The following ERBB4 variants were observed in gnomAD, a reference collection of about 807,000 sequenced individuals.
The protein encoded by ERBB4 is erb-b2 receptor tyrosine kinase 4.
Under a neutral mutation model 158.0 loss-of-function variants are expected in ERBB4, and 42 were observed. The observed-to-expected ratio is 0.27, with a 90% CI of 0.21 to 0.34. The LOEUF (loss-of-function observed/expected upper bound fraction) is 0.34, where lower values mean the gene tolerates loss of function less well. Ranked by LOEUF, ERBB4 falls within the 10% of genes least tolerant of loss-of-function variation. ERBB4 has a pLI of 1.00. For synonymous variants in ERBB4, 583 were observed against 558.7 expected (o/e 1.04, Z -0.61); for missense variants, 1,333 against 1,624.1 (o/e 0.82, Z 3.08).
At position 211,425,814 on chromosome 2, in the gene ERBB4, C is replaced by T. The variant is rs1254332681; in HGVS notation, c.2720-1513G>A. ...CTTTTCACCTCAGCTTCCTGAGTAG[C>T]TGGGACTACAGGCATGAGCCACCAT... On this transcript the variant is annotated intron_variant, in intron 22 of 27. Coordinates refer to ENST00000342788, the MANE Select transcript of ERBB4 (RefSeq NM_005235.3). Among the ~76,000 whole-genome samples, 3 of 151,996 alleles carry T rather than the reference C, an allele frequency of 2.0e-5. No homozygotes were observed. The East Asian group carries it at 5.8e-4, about 29-fold the overall frequency.
chr2:211,757,291 G>C (rs2106229307), intron 4 of ERBB4, among the ~76,000 whole-genome samples: 1 of 152,174 alleles, frequency 6.6e-6, no homozygotes, highest in South Asian at 2.1e-4. Flanking sequence ...CATACATCTT[G>C]ATACAAAAAG....
chr2:211,570,087 G>C (rs959432028), intron 19 of ERBB4, among the ~76,000 whole-genome samples: 3 of 151,960 alleles, frequency 2.0e-5, no homozygotes, highest in African/African-American at 7.2e-5. Flanking sequence ...TAAATCTCCT[G>C]ATTTGATCCT....
intron 20 of ERBB4, among the ~76,000 whole-genome samples, chr2:211,453,982 T>C (rs900857215): frequency 6.6e-6 from 1 of 152,190 alleles, no homozygotes; most frequent in Non-Finnish European, 1.5e-5. Flanking sequence ...CAATGTTCAA[T>C]CAACTACATA....
chr2:211,455,869 T>G lies in ERBB4; in HGVS notation c.2488-24769A>C, dbSNP rs1430708491. Among the ~76,000 whole-genome samples the G allele has an allele frequency of 2.6e-5, 4 of 152,220 alleles. No individual in the cohort carries two copies. The East Asian group carries it at 7.7e-4, about 29-fold the overall frequency. ...GTTCCAGGAGTAATAAATTGATACC[T>G]AATTTTATCAGTCCCAGGAGTAATA... On this transcript the variant is annotated intron_variant, in intron 20 of 27. Transcript: ENST00000342788.
At chr2:212,529,569 T>G (rs895079352) in intron 1 of ERBB4, among the ~76,000 whole-genome samples, 1 of 152,212 alleles carries the variant, frequency 6.6e-6, no homozygotes, top group Non-Finnish European at 1.5e-5. Context: ...CTATATGGTT[T>G]AATTACAAAT....
chr2:211,993,464 CT>C (rs1403761434), intron 2 of ERBB4, among the ~76,000 whole-genome samples: 1 of 152,072 alleles, frequency 6.6e-6, no homozygotes, highest in Non-Finnish European at 1.5e-5. Flanking sequence ...TATTTTGTTA[CT>C]GCCTAGCTAA....
chr2:212,515,237 A>G (rs6731193), intron 1 of ERBB4, among the ~76,000 whole-genome samples: 74,987 of 152,006 alleles, frequency 0.49, 20,442 homozygotes, highest in African/African-American at 0.74. Flanking sequence ...ATATCAGTTC[A>G]TCACTATTCA....
intron 20 of ERBB4, among the ~76,000 whole-genome samples, chr2:211,523,637 C>A (rs982360363): frequency 6.6e-6 from 1 of 151,838 alleles, no homozygotes; most frequent in Non-Finnish European, 1.5e-5. Flanking sequence ...GTTCGTTCCT[C>A]CCGGTGGGCT....
intron 1 of ERBB4, among the ~76,000 whole-genome samples, chr2:212,195,052 C>T (rs1207009018): frequency 6.6e-6 from 1 of 151,956 alleles, no homozygotes; most frequent in Non-Finnish European, 1.5e-5. Flanking sequence ...AAAACCACAA[C>T]ACATTAAATT....
chr2:212,453,016 G>A (rs1017806706), intron 1 of ERBB4, among the ~76,000 whole-genome samples: 3 of 152,068 alleles, frequency 2.0e-5, no homozygotes, highest in Non-Finnish European at 4.4e-5. Context: ...GATAAAACAT[G>A]TTCAAACTCT....
At chr2:211,905,651 T>TATATATATATAC (rs2079361762) in intron 3 of ERBB4, among the ~76,000 whole-genome samples, 1 of 66,700 alleles carries the variant, frequency 1.5e-5, no homozygotes, top group Non-Finnish European at 2.8e-5. Flanking sequence ...AAGGATCATA[T>TATATATATATAC]ATATATATAT....
At chr2:211,986,334 A>T (rs1458131092) in intron 2 of ERBB4, among the ~76,000 whole-genome samples, 3 of 152,192 alleles carry the variant, frequency 2.0e-5, no homozygotes, top group African/African-American at 7.2e-5. Flanking sequence ...TATACTATCC[A>T]ATCATTTTTT....
chr2:211,694,543 CA>C lies in ERBB4; in HGVS notation c.1489+7423del, dbSNP rs562926029. Among the ~76,000 whole-genome samples, 13 of 141,366 alleles carry C rather than the reference CA, an allele frequency of 9.2e-5. No individual in the cohort carries two copies. In the South Asian group the frequency reaches 2.9e-3, roughly 32 times the overall value. The allele number at this position is 141,366 out of a possible 152,430, so 92.7% of individuals were successfully genotyped here. On this transcript the variant is annotated intron_variant, in intron 12 of 27. Transcript: ENST00000342788. Reference sequence around the variant, plus strand: ...CAGTGTGCTGTTTCAAATACAATAACAAAATCTTACTTGAATGCTTTTTTTT... The same window carrying C: ...CAGTGTGCTGTTTCAAATACAATAACAAATCTTACTTGAATGCTTTTTTTT...
At chr2:212,482,901 C>T (rs1452986359) in intron 1 of ERBB4, among the ~76,000 whole-genome samples, 10 of 152,200 alleles carry the variant, frequency 6.6e-5, no homozygotes, top group Non-Finnish European at 1.3e-4. Flanking sequence ...GGACTACAGG[C>T]GTGAACCACT....
chr2:212,452,817 TA>T (rs932445014), intron 1 of ERBB4, among the ~76,000 whole-genome samples: 3 of 152,232 alleles, frequency 2.0e-5, no homozygotes, highest in Admixed American at 6.5e-5. Context: ...AAATAAGAGA[TA>T]AAAAGTTAAA....
intron 12 of ERBB4, among the ~76,000 whole-genome samples, chr2:211,696,825 A>G (rs949619254): frequency 6.6e-5 from 10 of 152,128 alleles, no homozygotes; most frequent in African/African-American, 2.4e-4. Flanking sequence ...ACCTGCCACC[A>G]TGTCTGGCTA....
At chr2:211,494,159 C>T (rs11901429) in intron 20 of ERBB4, among the ~76,000 whole-genome samples, 49,596 of 151,778 alleles carry the variant, frequency 0.33, 8,536 homozygotes, top group African/African-American at 0.42. Flanking sequence ...AGTGCTAACA[C>T]GCCCAGCTAA....
At chr2:212,337,664 A>G (rs1020993106) in intron 1 of ERBB4, among the ~76,000 whole-genome samples, 2 of 152,098 alleles carry the variant, frequency 1.3e-5, no homozygotes, top group Admixed American at 1.3e-4. Context: ...TACCTCTCGC[A>G]TATCTAATGC....
intron 1 of ERBB4, among the ~76,000 whole-genome samples, chr2:212,249,003 C>A (rs1285478968): frequency 6.6e-6 from 1 of 152,122 alleles, no homozygotes; most frequent in Non-Finnish European, 1.5e-5. Flanking sequence ...TATTCCATTA[C>A]ATAGTCAAAT....
Sources: allele counts gnomAD v4.1 joint callset (sites outside exome capture counted in the v4.1 genomes callset), GRCh38; gene constraint gnomAD v4.1.1; transcripts MANE v1.5; gene names NCBI Gene and HGNC (gene_info 2026-07-23, HGNC 2026-07-21).